Variants in RASSF8 observed in about 807,000 individuals in gnomAD.
The protein encoded by RASSF8 is Ras association domain family member 8.
Under a neutral mutation model 48.5 loss-of-function variants are expected in RASSF8, and 22 were observed. The observed-to-expected ratio is 0.45, with a 90% CI of 0.32 to 0.65. The LOEUF is 0.65. Among genes scored for constraint, RASSF8 ranks in the 30% least tolerant of loss-of-function variants. The pLI is 0.03. For missense variants in RASSF8, 418 were observed against 489.2 expected (o/e 0.85, Z 1.37); for synonymous variants, 127 against 171.5 (o/e 0.74, Z 2.03).
At chr12:26,018,781 C>CCAA (rs1942715656) in intron 2 of RASSF8, among the ~76,000 whole-genome samples, 1 of 152,122 alleles carries the variant, frequency 6.6e-6, no homozygotes, top group Admixed American at 6.5e-5. Flanking sequence ...GGCCCCAGAC[C>CCAA]CAGTGTCTGA....
At chr12:26,044,414 T>C (rs978707358) in intron 2 of RASSF8, among the ~76,000 whole-genome samples, 1 of 152,222 alleles carries the variant, frequency 6.6e-6, no homozygotes, top group Non-Finnish European at 1.5e-5. Context: ...AACTAGGGTT[T>C]TTCCCTCCTT....
intron 3 of RASSF8, among the ~76,000 whole-genome samples, chr12:26,062,513 C>T (rs1943766447): frequency 6.6e-6 from 1 of 152,196 alleles, no homozygotes; most frequent in Admixed American, 6.5e-5. Context: ...TCTTATCCCA[C>T]AGATGAGGAG....
intron 2 of RASSF8, among the ~76,000 whole-genome samples, chr12:26,035,896 AATC>A (rs1443106676): frequency 1.4e-5 from 2 of 145,604 alleles, no homozygotes; most frequent in African/African-American, 2.5e-5. Context: ...ATATAATTAT[AATC>A]ATATATGATT....
intron 1 of RASSF8, among the ~76,000 whole-genome samples, chr12:25,991,114 A>G (rs1003822659): frequency 6.6e-6 from 1 of 152,144 alleles, no homozygotes; most frequent in South Asian, 2.1e-4. Context: ...GTTTGGAGGA[A>G]GGGAGCACAC....
intron 1 of RASSF8, among the ~76,000 whole-genome samples, chr12:25,963,574 C>G (rs1357653700): frequency 1.3e-5 from 2 of 152,102 alleles, no homozygotes; most frequent in African/African-American, 4.8e-5. Context: ...GAGTGTAGTT[C>G]TAGTTCTTTC....
chr12:25,972,925 T>A (rs146398555), intron 1 of RASSF8, among the ~76,000 whole-genome samples: 1 of 152,360 alleles, frequency 6.6e-6, no homozygotes, highest in African/African-American at 2.4e-5. Flanking sequence ...TTTTTTTCCT[T>A]GTATAAATGA....
chr12:26,007,414 T>A (rs935143371), intron 2 of RASSF8, among the ~76,000 whole-genome samples: 8 of 152,210 alleles, frequency 5.3e-5, no homozygotes, highest in African/African-American at 1.4e-4. Flanking sequence ...TACCTAGACT[T>A]GAGGCTTACA....
intron 3 of RASSF8, among the ~76,000 whole-genome samples, chr12:26,061,210 A>AG (rs1047418473): frequency 1.3e-5 from 2 of 152,162 alleles, no homozygotes; most frequent in African/African-American, 4.8e-5. Flanking sequence ...GGTTGAATTC[A>AG]GGGCATAAAT....
In RASSF8 at chr12:26,042,152, A is replaced by T. The variant is rs148450670; in HGVS notation, c.-108-13084A>T. Among the ~76,000 whole-genome samples, 101 of 152,314 alleles carry T rather than the reference A, an allele frequency of 6.6e-4. 1 individual carries two copies. Among genetic ancestry groups the T allele is most frequent in the Middle Eastern group, 3.4e-3 (1 of 294 alleles). On this transcript the variant is annotated intron_variant, in intron 2 of 5. Coordinates refer to ENST00000689635, the MANE Select transcript of RASSF8 (RefSeq NM_001394098.1). The stretch of plus-strand genomic sequence containing the variant: ...TTAAAGGGGAGAGCATGGCAATTTA[A>T]GGATTTGTCAACTGAGAAAATAACA...
At position 25,970,250 on chromosome 12, in the gene RASSF8, G is replaced by A. The variant is rs545987249; in HGVS notation, c.-203+11102G>A. Among the ~76,000 whole-genome samples the A allele has an allele frequency of 5.9e-5, 9 of 152,090 alleles. No individual in the cohort carries two copies. In the East Asian group the frequency reaches 7.7e-4, roughly 13 times the overall value. ...CCAACCTTTATGGTGCTGAATGTCC[G>A]GATCTGTGCTCCTGCAGTGCTCTGT... On this transcript the variant is annotated intron_variant, in intron 1 of 5. Coordinates refer to ENST00000689635, the MANE Select transcript of RASSF8 (RefSeq NM_001394098.1).
chr12:25,991,152 G>T (rs1345329235), intron 1 of RASSF8, among the ~76,000 whole-genome samples: 1 of 151,536 alleles, frequency 6.6e-6, no homozygotes, highest in East Asian at 1.9e-4. Flanking sequence ...GTCATTAAAA[G>T]AAATATACAA....
intron 1 of RASSF8, among the ~76,000 whole-genome samples, chr12:25,980,801 A>G (rs907685079): frequency 6.6e-6 from 1 of 152,236 alleles, no homozygotes; most frequent in Non-Finnish European, 1.5e-5. Context: ...AAAAAAATTC[A>G]TGGAATGAGA....
chr12:25,995,563 C>G (rs981796720), intron 2 of RASSF8, among the ~76,000 whole-genome samples: 1 of 152,120 alleles, frequency 6.6e-6, no homozygotes, highest in Non-Finnish European at 1.5e-5. Context: ...GTTTTTCAGA[C>G]TTTTCTCTAT....
downstream of RASSF8, among the ~76,000 whole-genome samples, chr12:26,073,782 T>C (rs1343805135): frequency 2.4e-5 from 2 of 82,888 alleles, no homozygotes; most frequent in African/African-American, 5.0e-5. Flanking sequence ...CACACATATA[T>C]ATATACACAT....
At chr12:26,003,580 A>G (rs1296380387) in intron 2 of RASSF8, among the ~76,000 whole-genome samples, 2 of 152,190 alleles carry the variant, frequency 1.3e-5, no homozygotes, top group African/African-American at 2.4e-5. Context: ...AAAAGTGACA[A>G]TATCAGGACA....
In RASSF8 at chr12:26,069,721, G is replaced by A; in HGVS notation, c.*903G>A. 1 of 985,380 alleles carries A rather than the reference G, an allele frequency of 1.0e-6. No individual in the cohort carries two copies. Among genetic ancestry groups the A allele is most frequent in the Non-Finnish European group, 1.2e-6 (1 of 829,910 alleles). The allele number at this position is 985,380 out of a possible 1,614,324, so 61.0% of individuals were successfully genotyped here. A position where few individuals can be genotyped will look rare whatever the true frequency, so the allele number is the denominator to read the frequency against. ...TGAAAGCTGGGTTGGTCTACTTCAG[G>A]AACATTGCTTTAAGTGATGTATTTT... is the stretch of plus-strand genomic sequence containing the variant. On this transcript the variant is annotated 3_prime_UTR_variant, in exon 6 of 6. Coordinates refer to ENST00000689635, the MANE Select transcript of RASSF8 (RefSeq NM_001394098.1).
intron 1 of RASSF8, among the ~76,000 whole-genome samples, chr12:25,968,127 T>C (rs1257487026): frequency 6.6e-6 from 1 of 152,220 alleles, no homozygotes; most frequent in Non-Finnish European, 1.5e-5. Flanking sequence ...TTGCTTCTAC[T>C]ACTTCACCTG....
intron 2 of RASSF8, among the ~76,000 whole-genome samples, chr12:26,019,030 G>C (rs934369107): frequency 3.3e-5 from 5 of 152,174 alleles, no homozygotes; most frequent in African/African-American, 9.7e-5. Context: ...ATTTAGAGGA[G>C]GTCTTTTGGG....
At chr12:26,073,726 C>T (rs1224334922), downstream of RASSF8, among the ~76,000 whole-genome samples, 3 of 66,566 alleles carry the variant, frequency 4.5e-5, no homozygotes, top group South Asian at 6.5e-4. Context: ...ACAACAAAAG[C>T]GAGACTCTCT....
Sources: gnomAD v4.1 joint callset for allele counts (sites outside exome capture counted in the v4.1 genomes callset) on GRCh38, gnomAD v4.1.1 for gene constraint, MANE v1.5 for transcripts, NCBI Gene and HGNC (gene_info 2026-07-23, HGNC 2026-07-21) for gene names.